Variants in PACRG observed in about 807,000 individuals in gnomAD.
PACRG encodes the protein parkin coregulated, also known as parkin coregulated gene protein.
PACRG carries 29 observed loss-of-function variants against 29.7 expected under a neutral mutation model. That is an observed-to-expected ratio of 0.98 (90% confidence interval 0.73 to 1.33). The LOEUF is 1.33. Ranked by LOEUF, PACRG falls within the 40% of genes most tolerant of loss-of-function variation. PACRG has a pLI of 0.00. For missense variants in PACRG, 279 were observed against 316.2 expected, an observed-to-expected ratio of 0.88 and a Z score of 0.89; for synonymous variants, 116 against 118.7, an observed-to-expected ratio of 0.98 and a Z score of 0.15.
At chr6:162,741,944 A>G (rs1189602043) in intron 1 of PACRG, among the ~76,000 whole-genome samples, 3 of 152,214 alleles carry the variant, frequency 2.0e-5, no homozygotes, top group African/African-American at 7.2e-5. Flanking sequence ...AGTGATTTTC[A>G]AGAATGCAAT....
chr6:162,729,854 A>G (rs937636142), intron 1 of PACRG, among the ~76,000 whole-genome samples: 5 of 152,130 alleles, frequency 3.3e-5, no homozygotes, highest in Non-Finnish European at 7.4e-5. Flanking sequence ...TGCCAAATGT[A>G]ATAAGTATGC....
chr6:162,935,618 C>T (rs1333504900), intron 2 of PACRG, among the ~76,000 whole-genome samples: 1 of 151,224 alleles, frequency 6.6e-6, no homozygotes, highest in Non-Finnish European at 1.5e-5. Context: ...TGATTTATTT[C>T]TTCTGTAACC....
At chr6:163,277,135 G>A (rs1025224599) in intron 4 of PACRG, among the ~76,000 whole-genome samples, 23 of 151,764 alleles carry the variant, frequency 1.5e-4, no homozygotes, top group Non-Finnish European at 3.1e-4. Flanking sequence ...AGTTTTTGGG[G>A]AACAGGTGGT....
At chr6:162,795,203 G>A (rs747783776) in intron 1 of PACRG, among the ~76,000 whole-genome samples, 98 of 152,022 alleles carry the variant, frequency 6.4e-4, no homozygotes, top group Non-Finnish European at 1.0e-3. Flanking sequence ...GTAAACTGTG[G>A]TGAAAATAGA....
At chr6:163,073,256 T>A (rs1179181067) in intron 3 of PACRG, among the ~76,000 whole-genome samples, 1 of 152,014 alleles carries the variant, frequency 6.6e-6, no homozygotes, top group East Asian at 1.9e-4. Context: ...ACAGCATAGA[T>A]AAGAGAGAAG....
At chr6:162,973,537 T>G (rs2128162246) in intron 2 of PACRG, among the ~76,000 whole-genome samples, 1 of 152,238 alleles carries the variant, frequency 6.6e-6, no homozygotes, top group South Asian at 2.1e-4. Flanking sequence ...AGGCAATTCT[T>G]TTACTTAAAT....
In PACRG at chr6:162,757,899, C is replaced by T. The variant is rs188418376; in HGVS notation, c.156+29508C>T. Among the ~76,000 whole-genome samples the T allele has an allele frequency of 9.2e-5, 14 of 151,694 alleles. No homozygotes were observed. The South Asian group carries it at 1.0e-3, about 11-fold the overall frequency. On this transcript the variant is annotated intron_variant, in intron 1 of 4. Coordinates refer to ENST00000366888, the MANE Select transcript of PACRG (RefSeq NM_001080379.2). ...TTACAGAAATGAAAACAAGAATGGC[C>T]CCCAAAAATATGAGGGTGAAAAATA...
chr6:163,052,848 C>G (rs1040781713), intron 2 of PACRG, among the ~76,000 whole-genome samples: 1 of 151,884 alleles, frequency 6.6e-6, no homozygotes, highest in African/African-American at 2.4e-5. Flanking sequence ...TTGCTGCTGA[C>G]CAAAGGTCAT....
At chr6:163,118,514 CCCCG>C in intron 4 of PACRG, among the ~76,000 whole-genome samples, 1 of 152,168 alleles carries the variant, frequency 6.6e-6, no homozygotes, top group Non-Finnish European at 1.5e-5. Context: ...ATTTATAGAT[CCCCG>C]TTTCTGGGTC....
At chr6:162,960,740 TA>T (rs1220431840) in intron 2 of PACRG, among the ~76,000 whole-genome samples, 2 of 152,162 alleles carry the variant, frequency 1.3e-5, no homozygotes, top group African/African-American at 2.4e-5. Context: ...AGAATTAAAA[TA>T]AAAGAGAGGG....
intron 2 of PACRG, among the ~76,000 whole-genome samples, chr6:163,024,783 A>G (rs1340228434): frequency 6.6e-6 from 1 of 152,106 alleles, no homozygotes; most frequent in Non-Finnish European, 1.5e-5. Flanking sequence ...TCAAGAAAAC[A>G]TCAGACAAAT....
intron 4 of PACRG, among the ~76,000 whole-genome samples, chr6:163,153,570 C>G (rs1212945898): frequency 6.6e-6 from 1 of 152,134 alleles, no homozygotes; most frequent in Non-Finnish European, 1.5e-5. Flanking sequence ...ATTTTTTTTA[C>G]ATTGGTTTAC....
intron 2 of PACRG, among the ~76,000 whole-genome samples, chr6:162,945,361 C>G (rs755562673): frequency 5.2e-4 from 79 of 151,948 alleles, no homozygotes; most frequent in Non-Finnish European, 1.0e-3. Context: ...AGTAGCTATA[C>G]TTATATCAGA....
At chr6:163,299,418 C>T (rs1286622896) in intron 4 of PACRG, among the ~76,000 whole-genome samples, 2 of 152,124 alleles carry the variant, frequency 1.3e-5, no homozygotes, top group East Asian at 1.9e-4. Flanking sequence ...CTGACCTGCC[C>T]GCCCTGCCCT....
chr6:163,057,684 G>C (rs143341092), intron 2 of PACRG, among the ~76,000 whole-genome samples: 1 of 152,158 alleles, frequency 6.6e-6, no homozygotes, highest in African/African-American at 2.4e-5. Flanking sequence ...TGTGGATTCT[G>C]CTTTTTAAAA....
At chr6:162,765,919 T>A (rs1303446425) in intron 1 of PACRG, among the ~76,000 whole-genome samples, 2 of 152,182 alleles carry the variant, frequency 1.3e-5, no homozygotes, top group Non-Finnish European at 2.9e-5. Flanking sequence ...TTTTCTTTTT[T>A]AAGAAGTTTT....
At chr6:162,957,716 A>G (rs1307044003) in intron 2 of PACRG, among the ~76,000 whole-genome samples, 1 of 152,058 alleles carries the variant, frequency 6.6e-6, no homozygotes, top group Non-Finnish European at 1.5e-5. Context: ...ATCATTTGGA[A>G]TGGTTTTCCT....
At chr6:163,293,960 C>T (rs1040368032) in intron 4 of PACRG, among the ~76,000 whole-genome samples, 14 of 152,136 alleles carry the variant, frequency 9.2e-5, no homozygotes, top group South Asian at 8.3e-4. Flanking sequence ...TTTCTAGTTC[C>T]GACCTAGATT....
At chr6:163,015,874 A>G (rs1420684322) in intron 2 of PACRG, among the ~76,000 whole-genome samples, 1 of 152,132 alleles carries the variant, frequency 6.6e-6, no homozygotes, top group Non-Finnish European at 1.5e-5. Flanking sequence ...GTTATCTTCA[A>G]TGTATTTGAG....
Sources: gnomAD v4.1 joint callset for allele counts (sites outside exome capture counted in the v4.1 genomes callset) on GRCh38, gnomAD v4.1.1 for gene constraint, MANE v1.5 for transcripts, NCBI Gene and HGNC (gene_info 2026-07-23, HGNC 2026-07-21) for gene names.